Variants in DLG2 observed in about 807,000 individuals in gnomAD.
DLG2 encodes the protein discs large MAGUK scaffold protein 2, also known as disks large homolog 2.
DLG2 carries 45 observed loss-of-function variants against 132.5 expected under a neutral mutation model. That is an observed-to-expected ratio of 0.34 (90% CI 0.27 to 0.44). The LOEUF (loss-of-function observed/expected upper bound fraction) is 0.44. Among genes scored for constraint, DLG2 ranks in the 20% least tolerant of loss-of-function variants. The pLI is 1.00. For missense variants in DLG2, 1,045 were observed against 1,196.9 expected (o/e 0.87, Z 1.87); for synonymous variants, 424 against 419.6 (o/e 1.01, Z -0.13).
At chr11:84,039,733 C>T (rs879635929) in intron 11 of DLG2, among the ~76,000 whole-genome samples, 2,090 of 102,368 alleles carry the variant, frequency 0.02, 39 homozygotes, top group Non-Finnish European at 0.033. Context: ...GGGTATATAC[C>T]CAGTAATGGG....
chr11:83,973,588 C>T (rs1024986368), intron 12 of DLG2, among the ~76,000 whole-genome samples: 51 of 151,958 alleles, frequency 3.4e-4, no homozygotes, highest in Admixed American at 3.4e-3. Flanking sequence ...AGCACTACCA[C>T]CAAAGTTGTC....
intron 14 of DLG2, among the ~76,000 whole-genome samples, chr11:83,943,397 T>A (rs1565743105): frequency 6.6e-6 from 1 of 152,244 alleles, no homozygotes; most frequent in Non-Finnish European, 1.5e-5. Flanking sequence ...AGAAAATATG[T>A]ATTTTTTCAA....
At chr11:85,404,107 C>T (rs1272921832) in intron 3 of DLG2, among the ~76,000 whole-genome samples, 2 of 151,758 alleles carry the variant, frequency 1.3e-5, no homozygotes, top group East Asian at 1.9e-4. Flanking sequence ...CTCTGGAGAC[C>T]CTAACCTTGA....
intron 3 of DLG2, among the ~76,000 whole-genome samples, chr11:85,510,591 A>G: frequency 6.6e-6 from 1 of 152,248 alleles, no homozygotes; most frequent in Non-Finnish European, 1.5e-5. Flanking sequence ...TCAAAAGAAG[A>G]CATTTATGCA....
intron 17 of DLG2, among the ~76,000 whole-genome samples, chr11:83,825,171 A>ATTTTTT (rs10566177): frequency 5.5e-5 from 4 of 72,606 alleles, no homozygotes; most frequent in Non-Finnish European, 7.7e-5. Flanking sequence ...ATATATATAT[A>ATTTTTT]TTTTTTTTTT....
intron 10 of DLG2, among the ~76,000 whole-genome samples, chr11:84,069,428 T>C (rs962376288): frequency 3.3e-5 from 5 of 152,184 alleles, no homozygotes; most frequent in East Asian, 3.9e-4. Flanking sequence ...GCTGCCATAA[T>C]GTGTAAGGCT....
At chr11:84,035,114 A>AT (rs576504121) in intron 11 of DLG2, among the ~76,000 whole-genome samples, 3 of 151,936 alleles carry the variant, frequency 2.0e-5, no homozygotes, top group Non-Finnish European at 4.4e-5. Context: ...GGTACTGTTC[A>AT]TTTTTTCTCA....
intron 5 of DLG2, among the ~76,000 whole-genome samples, chr11:85,129,265 GA>G (rs1246412533): frequency 3.3e-5 from 5 of 152,176 alleles, no homozygotes; most frequent in Non-Finnish European, 5.9e-5. Flanking sequence ...CTGTATTTAT[GA>G]ATACTCTGAT....
chr11:85,322,568 A>G (rs1043901340), intron 3 of DLG2, among the ~76,000 whole-genome samples: 5 of 152,154 alleles, frequency 3.3e-5, no homozygotes, highest in African/African-American at 1.2e-4. Flanking sequence ...AAATTTTCAA[A>G]AACACCTTAA....
At chr11:83,995,035 C>A (rs539064293) in intron 11 of DLG2, among the ~76,000 whole-genome samples, 1 of 147,490 alleles carries the variant, frequency 6.8e-6, no homozygotes, top group Non-Finnish European at 1.5e-5. Context: ...TCTACCAGTA[C>A]GACCTCATCT....
intron 6 of DLG2, among the ~76,000 whole-genome samples, chr11:84,842,915 C>T (rs560501866): frequency 6.6e-6 from 1 of 151,718 alleles, no homozygotes; most frequent in South Asian, 2.1e-4. Flanking sequence ...AAAAATTGGC[C>T]GAGTTATGTA....
chr11:84,653,086 C>T (rs1056295664), intron 6 of DLG2, among the ~76,000 whole-genome samples: 20 of 152,072 alleles, frequency 1.3e-4, no homozygotes, highest in Admixed American at 2.6e-4. Flanking sequence ...TGCGTCATCA[C>T]GCCCGGATAA....
At chr11:84,997,891 A>C (rs1002519256) in intron 6 of DLG2, 3 of 152,250 alleles carry the variant, frequency 2.0e-5, no homozygotes, top group African/African-American at 7.2e-5. Flanking sequence ...AAAGTACATT[A>C]AACTTATCAG....
chr11:83,595,690 T>A (rs540695596), intron 19 of DLG2, among the ~76,000 whole-genome samples: 9 of 152,320 alleles, frequency 5.9e-5, no homozygotes, highest in Admixed American at 2.6e-4. Context: ...TCTTTGATTC[T>A]CCAGCCTTTT....
intron 6 of DLG2, among the ~76,000 whole-genome samples, chr11:84,932,934 C>T (rs975656327): frequency 6.6e-6 from 1 of 152,174 alleles, no homozygotes; most frequent in Non-Finnish European, 1.5e-5. Context: ...TGAGGAATCA[C>T]CGTAATATCT....
chr11:83,488,938 A>T (rs2093682665), intron 21 of DLG2, among the ~76,000 whole-genome samples: 1 of 152,036 alleles, frequency 6.6e-6, no homozygotes, highest in South Asian at 2.1e-4. Flanking sequence ...TAAGGGAAAG[A>T]TAAGAGTTGG....
chr11:85,432,059 C>G (rs919507996), intron 3 of DLG2, among the ~76,000 whole-genome samples: 1 of 152,196 alleles, frequency 6.6e-6, no homozygotes, highest in Non-Finnish European at 1.5e-5. Flanking sequence ...TCCCAGCAAA[C>G]CACAGCAGCC....
At chr11:83,791,651 C>G (rs565370140) in intron 17 of DLG2, 2 of 332,246 alleles carry the variant, frequency 6.0e-6, no homozygotes, top group African/African-American at 4.4e-5. Flanking sequence ...ATGAGATGGT[C>G]AGCCGGGCGC....
intron 8 of DLG2, among the ~76,000 whole-genome samples, chr11:84,247,540 A>G (rs1340274910): frequency 6.6e-6 from 1 of 152,090 alleles, no homozygotes; most frequent in African/African-American, 2.4e-5. Context: ...TTTGCATGAG[A>G]AGCTAGACTA....
Sources: gnomAD v4.1 joint callset for allele counts (sites outside exome capture counted in the v4.1 genomes callset) on GRCh38, gnomAD v4.1.1 for gene constraint, MANE v1.5 for transcripts, NCBI Gene and HGNC (gene_info 2026-07-23, HGNC 2026-07-21) for gene names.